The following PCDHGC3 variants were observed in gnomAD, a reference collection of about 807,000 sequenced individuals.
PCDHGC3 encodes protocadherin gamma-C3.
PCDHGC3 carries 26 observed loss-of-function variants against 59.2 expected under a neutral mutation model. That is an observed-to-expected ratio of 0.44 (90% confidence interval 0.32 to 0.61). PCDHGC3 has a LOEUF of 0.61. Ranked by LOEUF, PCDHGC3 falls within the 20% of genes least tolerant of loss-of-function variation. PCDHGC3 has a pLI of 0.05. For synonymous variants in PCDHGC3, 487 were observed against 519.7 expected (o/e 0.94, Z 0.86); for missense variants, 1,080 against 1,221.8 (o/e 0.88, Z 1.73).
Position 141,476,064 on chromosome 5 carries a change from C to T in PCDHGC3, c.-53C>T, listed in dbSNP as rs1593605493. On this transcript the variant is annotated 5_prime_UTR_variant, in exon 1 of 4. Transcript: ENST00000308177. The surrounding 1 kb of genome is among the most constrained non-coding windows in gnomAD (Gnocchi z 7.6). Reference sequence around the variant, plus strand: ...CGCTAACCCGCTGAAAGTTTCTCAGCGAAATCTCAGGGACGATCTGGACCC... The same window carrying T: ...CGCTAACCCGCTGAAAGTTTCTCAGTGAAATCTCAGGGACGATCTGGACCC... 2.0e-6 allele frequency: 3 copies of T among 1,510,080 alleles called. No homozygotes were observed. In the East Asian group the frequency reaches 6.8e-5, roughly 34 times the overall value. 93.5% of individuals were successfully genotyped at this position (1,510,080 alleles called of 1,614,324 possible). A position where few individuals can be genotyped will look rare whatever the true frequency, so the allele number is the denominator to read the frequency against.
In PCDHGC3 at chr5:141,511,477, C is replaced by A; in HGVS notation, c.*304C>A. 2.1e-6 allele frequency: 1 copy of A among 482,262 alleles called. No homozygotes were observed. The allele number at this position is 482,262 out of a possible 1,614,324, so 29.9% of individuals were successfully genotyped here. A position where few individuals can be genotyped will look rare whatever the true frequency, so the allele number is the denominator to read the frequency against. On this transcript the variant is annotated 3_prime_UTR_variant, in exon 4 of 4. Coordinates refer to ENST00000308177, the MANE Select transcript of PCDHGC3 (RefSeq NM_002588.4). ...TTTGCCACACCCCGTTTAGTTACAG[C>A]TGAACTCCTCCATCTTCCAAATCAA...
chr5:141,503,471 C>A (rs2099820129), intron 2 of PCDHGC3, among the ~76,000 whole-genome samples: 1 of 151,836 alleles, frequency 6.6e-6, no homozygotes, highest in African/African-American at 2.4e-5. Context: ...GGCATGTGTG[C>A]ACTTGTCGTC....
chr5:141,494,891 C>G, intron 2 of PCDHGC3, 26 bp downstream of exon 2: 1 of 1,614,098 alleles, frequency 6.2e-7, no homozygotes. Flanking sequence ...TCCAGCCCAC[C>G]CTCTTCTCTG....
At chr5:141,505,336 G>T in intron 2 of PCDHGC3, 57 bp from the exon 3 acceptor site, 2 of 1,611,372 alleles carry the variant, frequency 1.2e-6, no homozygotes, top group Non-Finnish European at 1.7e-6. Context: ...GAGGACAGGA[G>T]GGGCATGAGC....
chr5:141,477,678 C>A lies in PCDHGC3; in HGVS notation c.1562C>A (p.Ser521Tyr), dbSNP rs967769574. 1 of 1,614,182 alleles carries A rather than the reference C, an allele frequency of 6.2e-7. No individual in the cohort carries two copies. The highest frequency in any genetic ancestry group is 1.3e-5 in the African/African-American group (1 of 75,054). Reference protein sequence around the residue: ...TINRDNGIVSSLVPLDYEDRR... With the variant: ...TINRDNGIVSYLVPLDYEDRR... ...AATCGTGACAATGGCATAGTGTCAT[C>A]CTTAGTGCCCCTAGACTATGAGGAT... is the stretch of plus-strand genomic sequence containing the variant. The change falls in exon 1 of 4, where the codon TCC becomes TAC. Residue 521 changes from serine (S) to tyrosine (Y), a missense_variant. Physicochemically the swap from Ser to Tyr is moderately radical, Grantham distance 144. Transcript: ENST00000308177. The surrounding 1 kb of genome is among the most constrained non-coding windows in gnomAD (Gnocchi z 4.9).
Position 141,505,475 on chromosome 5 carries a change from G to A in PCDHGC3, c.2572G>A (p.Ala858Thr), listed in dbSNP as rs769108315. The A allele has an allele frequency of 2.2e-5, 35 of 1,614,098 alleles. No homozygotes were observed. Among genetic ancestry groups the A allele is most frequent in the South Asian group, 5.5e-5 (5 of 91,090 alleles). ...GCTGCAAGCCATGATCTTGGCGTCC[G>A]CCAGTGGTAAGTGGTGTCAGTGTGT... ...EMLQAMILAS[A>T]SEAADGSSTL... The change falls in exon 3 of 4, where the codon GCC becomes ACC. Residue 858 changes from alanine to threonine, a missense_variant. Physicochemically the swap from Ala to Thr is moderately conservative, Grantham distance 58. Transcript: ENST00000308177.
Position 141,491,262 on chromosome 5 carries a change from G to A in PCDHGC3, c.2431-3545G>A. ...TGGAGGATGAGGACCCTGAGGAAATGCCCAAATCCAGTGACTTCCTCATAC... is the reference window on the plus strand; with the variant it reads ...TGGAGGATGAGGACCCTGAGGAAATACCCAAATCCAGTGACTTCCTCATAC... On this transcript the variant is annotated intron_variant, in intron 1 of 3. Transcript: ENST00000308177. The surrounding 1 kb of genome is among the most constrained non-coding windows in gnomAD (Gnocchi z 6.9). 2 of 1,614,122 alleles carry A rather than the reference G, an allele frequency of 1.2e-6. No individual in the cohort carries two copies. Among genetic ancestry groups the A allele is most frequent in the Non-Finnish European group, 1.7e-6 (2 of 1,179,952 alleles).
rs1463716042 is a variant in PCDHGC3 at position 141,511,338 on chromosome 5, T to C, written c.*165T>C. 42 of 1,429,834 alleles carry C rather than the reference T, an allele frequency of 2.9e-5. No homozygotes were observed. The highest frequency in any genetic ancestry group is 3.9e-5 in the Non-Finnish European group (42 of 1,075,502). 88.6% of individuals were successfully genotyped at this position (1,429,834 alleles called of 1,614,324 possible). A position where few individuals can be genotyped will look rare whatever the true frequency, so the allele number is the denominator to read the frequency against. On this transcript the variant is annotated 3_prime_UTR_variant, in exon 4 of 4. Coordinates refer to ENST00000308177, the MANE Select transcript of PCDHGC3 (RefSeq NM_002588.4). ...CAGAAACAAGTGCCCAGTCAGCACC[T>C]ACCCCTTCCCCCCCAGGGGGTTGAA... is the stretch of plus-strand genomic sequence containing the variant.
chr5:141,502,615 A>G (rs2099815317), intron 2 of PCDHGC3, among the ~76,000 whole-genome samples: 1 of 152,218 alleles, frequency 6.6e-6, no homozygotes, highest in Non-Finnish European at 1.5e-5. Context: ...TTGTGAAAAT[A>G]TAAGTAATCT....
At position 141,477,177 on chromosome 5, in the gene PCDHGC3, T is replaced by C; in HGVS notation, c.1061T>C (p.Val354Ala). The C allele has an allele frequency of 6.2e-7, 1 of 1,614,160 alleles. No individual in the cohort carries two copies. The change falls in exon 1 of 4, where the codon GTC (valine) becomes GCC (alanine). Residue 354 changes from valine (V) to alanine (A), a missense_variant. Physicochemically the swap from Val to Ala is moderately conservative, Grantham distance 64. Coordinates refer to ENST00000308177, the MANE Select transcript of PCDHGC3 (RefSeq NM_002588.4). This position sits in a 1 kb window ranked among gnomAD's most constrained non-coding sequence, Gnocchi z 4.9. ...DVNDNAPEIT[V>A]TSVYSPVPED... Reference sequence around the variant, plus strand: ...AATGACAACGCCCCGGAGATCACAGTCACCTCCGTGTACAGCCCAGTACCC... The same window carrying C: ...AATGACAACGCCCCGGAGATCACAGCCACCTCCGTGTACAGCCCAGTACCC...
chr5:141,485,344 C>G lies in PCDHGC3; in HGVS notation c.2430+6798C>G. On this transcript the variant is annotated intron_variant, in intron 1 of 3. Coordinates refer to ENST00000308177, the MANE Select transcript of PCDHGC3 (RefSeq NM_002588.4). This position sits in a 1 kb window ranked among gnomAD's most constrained non-coding sequence, Gnocchi z 5.7. ...CTCAAGATTTCCTGCTGGATACGGA[C>G]AGTCTGTCAGCTCGCAGGCTGCAGG... 6.2e-7 allele frequency: 1 copy of G among 1,614,116 alleles called. No individual in the cohort carries two copies. The highest frequency in any genetic ancestry group is 8.5e-7 in the Non-Finnish European group (1 of 1,180,004).
rs752604165 is a variant in PCDHGC3, at chr5:141,494,771, G to A, written c.2431-36G>A. On this transcript the variant is annotated intron_variant, in intron 1 of 3. Coordinates refer to ENST00000308177, the MANE Select transcript of PCDHGC3 (RefSeq NM_002588.4). ...CTCGGGTGACATTCTAACTTCTCAC[G>A]GGTACTCAGCCCCTTTCCCTCTGTT... 74 of 1,613,730 alleles carry A rather than the reference G, an allele frequency of 4.6e-5. No homozygotes were observed. The East Asian group carries it at 1.6e-3, about 36-fold the overall frequency.
In PCDHGC3 at chr5:141,476,254, T is replaced by C; in HGVS notation, c.138T>C (p.Ala46=). 1.2e-6 allele frequency: 2 copies of C among 1,613,820 alleles called. No individual in the cohort carries two copies. Among genetic ancestry groups the C allele is most frequent in the Non-Finnish European group, 8.5e-7 (1 of 1,179,976 alleles). Residue 46 remains alanine (A), a synonymous_variant, in exon 1 of 4, where the codon GCT becomes GCC. Transcript: ENST00000308177. The surrounding 1 kb of genome is among the most constrained non-coding windows in gnomAD (Gnocchi z 7.6). The part of the protein sequence containing the change: ...EIPEEREKGF[A]VGNVVANLGL... ...CGGAGGAAAGAGAGAAGGGTTTCGCTGTGGGCAACGTGGTCGCGAACCTTG... is the reference window on the plus strand; with the variant it reads ...CGGAGGAAAGAGAGAAGGGTTTCGCCGTGGGCAACGTGGTCGCGAACCTTG...
At chr5:141,480,295 G>A (rs1190133739) in intron 1 of PCDHGC3, among the ~76,000 whole-genome samples, 2 of 133,330 alleles carry the variant, frequency 1.5e-5, no homozygotes, top group Admixed American at 7.4e-5. Context: ...TGCACCTGTG[G>A]TACCAGCTAC....
chr5:141,506,444 CAAAAAAAAAAAAA>C (rs1219684339), intron 3 of PCDHGC3, among the ~76,000 whole-genome samples: 1 of 95,030 alleles, frequency 1.1e-5, no homozygotes, highest in Non-Finnish European at 2.2e-5. Context: ...CGCTCTGTCT[CAAAAAAAAAAAAA>C]AAAAAAAAGA....
chr5:141,489,431 T>C lies in PCDHGC3; in HGVS notation c.2431-5376T>C. 6.2e-7 allele frequency: 1 copy of C among 1,614,132 alleles called. No individual in the cohort carries two copies. Among genetic ancestry groups the C allele is most frequent in the Non-Finnish European group, 8.5e-7 (1 of 1,180,024 alleles). On this transcript the variant is annotated intron_variant, in intron 1 of 3. Transcript: ENST00000308177. This position sits in a 1 kb window ranked among gnomAD's most constrained non-coding sequence, Gnocchi z 4.5. ...ATGACAGATCTGTTGAGCCGGCGGC[T>C]GCAATTGGGCTCTGAGGAGAATGGG...
rs1484075735 is a variant in PCDHGC3 at position 141,478,563 on chromosome 5, C to G, written c.2430+17C>G. On this transcript the variant is annotated intron_variant, in intron 1 of 3. Coordinates refer to ENST00000308177, the MANE Select transcript of PCDHGC3 (RefSeq NM_002588.4). ...CCCGGACAGGTAAGGTTTAGCAAGT[C>G]ATGCTTGACCCTGTTAGTGCTTTTT... 16 of 1,596,154 alleles carry G rather than the reference C, an allele frequency of 1.0e-5. No homozygotes were observed. The highest frequency in any genetic ancestry group is 1.3e-5 in the African/African-American group (1 of 74,596).
chr5:141,489,300 C>A lies in PCDHGC3; in HGVS notation c.2431-5507C>A. On this transcript the variant is annotated intron_variant, in intron 1 of 3. Coordinates refer to ENST00000308177, the MANE Select transcript of PCDHGC3 (RefSeq NM_002588.4). The surrounding 1 kb of genome is among the most constrained non-coding windows in gnomAD (Gnocchi z 4.5). ...AATGGCAAGTGCTGTGCATGTTGTC[C>A]TTGTGCTGCTGGGGCTGGGTGTCTG... 1 of 1,585,698 alleles carries A rather than the reference C, an allele frequency of 6.3e-7. No homozygotes were observed. Among genetic ancestry groups the A allele is most frequent in the South Asian group, 1.2e-5 (1 of 85,012 alleles).
Position 141,486,617 on chromosome 5 carries a change from C to G in PCDHGC3, c.2430+8071C>G. ...GCTTTGCTCCCTTGCAGCCTCTGAC[C>G]CAGACTCTGGCTTGAATGCGCTTAT... On this transcript the variant is annotated intron_variant, in intron 1 of 3. Transcript: ENST00000308177. This position sits in a 1 kb window ranked among gnomAD's most constrained non-coding sequence, Gnocchi z 5.0. 1 of 1,613,602 alleles carries G rather than the reference C, an allele frequency of 6.2e-7. No homozygotes were observed. Among genetic ancestry groups the G allele is most frequent in the South Asian group, 1.1e-5 (1 of 91,086 alleles).
Sources: allele counts gnomAD v4.1 joint callset (sites outside exome capture counted in the v4.1 genomes callset), GRCh38; gene constraint gnomAD v4.1.1; non-coding constraint Gnocchi (gnomAD v3.1); transcripts MANE v1.5; gene names NCBI Gene and HGNC (gene_info 2026-07-23, HGNC 2026-07-21).